Variants in TSPAN12 observed in about 807,000 individuals in gnomAD.
TSPAN12 encodes the protein tetraspanin-12.
Under a neutral mutation model 39.2 loss-of-function variants are expected in TSPAN12, and 19 were observed. The ratio of observed to expected loss-of-function variants is 0.49; its 90% CI spans 0.34 to 0.71. The LOEUF (loss-of-function observed/expected upper bound fraction) is 0.71. TSPAN12 is among the 30% of genes least tolerant of loss of function. TSPAN12 has a pLI of 0.01. For synonymous variants in TSPAN12, 119 were observed against 124.8 expected (o/e 0.95, Z 0.31); for missense variants, 314 against 359.9 (o/e 0.87, Z 1.03).
intron 4 of TSPAN12, among the ~76,000 whole-genome samples, chr7:120,820,638 A>C (rs1017453389): frequency 6.6e-6 from 1 of 152,096 alleles, no homozygotes; most frequent in Non-Finnish European, 1.5e-5. Context: ...TGTCCTACTC[A>C]TAAGTCACAG....
intron 7 of TSPAN12, among the ~76,000 whole-genome samples, chr7:120,797,646 C>G (rs1020035455): frequency 1.3e-5 from 2 of 152,226 alleles, no homozygotes; most frequent in African/African-American, 4.8e-5. Context: ...CTACTCAACT[C>G]TAACCACTCC....
At chr7:120,805,824 G>C (rs1190786671) in intron 7 of TSPAN12, among the ~76,000 whole-genome samples, 2 of 152,100 alleles carry the variant, frequency 1.3e-5, no homozygotes, top group African/African-American at 4.8e-5. Context: ...GCCACACGTA[G>C]CTATTTGGCT....
At chr7:120,850,415 A>G (rs1393345487) in intron 2 of TSPAN12, among the ~76,000 whole-genome samples, 1 of 151,934 alleles carries the variant, frequency 6.6e-6, no homozygotes, top group Non-Finnish European at 1.5e-5. Flanking sequence ...CTATAAGTAG[A>G]AGAAGAGTAA....
chr7:120,824,129 G>A (rs1794238130), intron 4 of TSPAN12, among the ~76,000 whole-genome samples: 1 of 151,996 alleles, frequency 6.6e-6, no homozygotes, highest in African/African-American at 2.4e-5. Flanking sequence ...GTATACCCAG[G>A]CTAGACCCTG....
At chr7:120,797,136 G>A (rs1463550024) in intron 7 of TSPAN12, among the ~76,000 whole-genome samples, 2 of 152,038 alleles carry the variant, frequency 1.3e-5, no homozygotes, top group African/African-American at 2.4e-5. Flanking sequence ...CAGCCTGGGC[G>A]ACAGAGCCAG....
At chr7:120,801,371 G>A (rs1401296024) in intron 7 of TSPAN12, among the ~76,000 whole-genome samples, 2 of 152,110 alleles carry the variant, frequency 1.3e-5, no homozygotes, top group Non-Finnish European at 2.9e-5. Flanking sequence ...TTCTAAAGAG[G>A]CATAAATGGG....
At chr7:120,806,757 T>G in intron 6 of TSPAN12, 65 bp from the exon 7 acceptor site, 1 of 1,600,922 alleles carries the variant, frequency 6.2e-7, no homozygotes, top group Middle Eastern at 1.7e-4. Context: ...TATAGGAGAT[T>G]AAACATCAGT....
chr7:120,815,989 A>G (rs544949356), intron 4 of TSPAN12, among the ~76,000 whole-genome samples, 186 bp from the exon 5 acceptor site: 2 of 152,280 alleles, frequency 1.3e-5, no homozygotes, highest in African/African-American at 4.8e-5. Context: ...TTTAATATTC[A>G]TCTCAGTGAG....
chr7:120,848,658 C>G (rs1794717206), intron 2 of TSPAN12, among the ~76,000 whole-genome samples: 1 of 152,102 alleles, frequency 6.6e-6, no homozygotes, highest in South Asian at 2.1e-4. Flanking sequence ...GGAGTATACC[C>G]AAACATTGCA....
chr7:120,858,264 C>A (rs1349759899), upstream of TSPAN12: 1 of 152,298 alleles, frequency 6.6e-6, no homozygotes, highest in African/African-American at 2.4e-5. Context: ...AAGATAATGC[C>A]TAGGAACTTG....
chr7:120,813,459 C>T (rs1349116618), intron 5 of TSPAN12, among the ~76,000 whole-genome samples: 2 of 152,170 alleles, frequency 1.3e-5, no homozygotes, highest in Non-Finnish European at 2.9e-5. Context: ...AACAAGAATA[C>T]ATTCATTTCA....
chr7:120,836,526 T>G (rs1432065838), intron 4 of TSPAN12, among the ~76,000 whole-genome samples: 1 of 152,216 alleles, frequency 6.6e-6, no homozygotes, highest in East Asian at 1.9e-4. Flanking sequence ...GCTCATCATC[T>G]TCCCAGAGGG....
chr7:120,827,828 AAG>A (rs1422026745), intron 4 of TSPAN12, among the ~76,000 whole-genome samples: 1 of 152,176 alleles, frequency 6.6e-6, no homozygotes, highest in Non-Finnish European at 1.5e-5. Flanking sequence ...CTAGTTGTTT[AAG>A]AAAAGTCTTT....
intron 2 of TSPAN12, among the ~76,000 whole-genome samples, chr7:120,844,440 C>T (rs1170955485): frequency 6.6e-6 from 1 of 152,212 alleles, no homozygotes; most frequent in African/African-American, 2.4e-5. Flanking sequence ...GTCCCTTCTG[C>T]CTATGAGACT....
At chr7:120,837,513 C>T (rs1043700171) in intron 4 of TSPAN12, among the ~76,000 whole-genome samples, 3 of 151,994 alleles carry the variant, frequency 2.0e-5, no homozygotes, top group East Asian at 1.9e-4. Context: ...AGGGTTTCAC[C>T]GTGTTAGCCA....
At chr7:120,797,284 G>C (rs1475051952) in intron 7 of TSPAN12, among the ~76,000 whole-genome samples, 2 of 152,208 alleles carry the variant, frequency 1.3e-5, no homozygotes, top group African/African-American at 4.8e-5. Context: ...CATGCATTGG[G>C]AGTTCTCTTT....
At chr7:120,790,968 T>C (rs1793510967) in intron 7 of TSPAN12, among the ~76,000 whole-genome samples, 1 of 152,158 alleles carries the variant, frequency 6.6e-6, no homozygotes, top group Admixed American at 6.6e-5. Context: ...AAAAATGGAC[T>C]TTTAGTGAAT....
intron 2 of TSPAN12, among the ~76,000 whole-genome samples, chr7:120,851,212 T>C (rs1294309687): frequency 2.0e-5 from 3 of 152,212 alleles, no homozygotes; most frequent in Non-Finnish European, 4.4e-5. Flanking sequence ...CTTCAGATTC[T>C]GTGTGGATCA....
At chr7:120,840,941 G>A (rs1794566386) in intron 2 of TSPAN12, among the ~76,000 whole-genome samples, 1 of 152,176 alleles carries the variant, frequency 6.6e-6, no homozygotes, top group Non-Finnish European at 1.5e-5. Flanking sequence ...AATCCTGTCT[G>A]TACATTTGAA....
Sources: allele counts gnomAD v4.1 joint callset (sites outside exome capture counted in the v4.1 genomes callset), GRCh38; gene constraint gnomAD v4.1.1; transcripts MANE v1.5; gene names NCBI Gene and HGNC (gene_info 2026-07-23, HGNC 2026-07-21).